ACTR3C: variants seen among roughly 807,000 people sequenced by gnomAD.
ACTR3C encodes the protein actin-related protein 3C.
Under a neutral mutation model 26.3 loss-of-function variants are expected in ACTR3C, and 18 were observed. The observed-to-expected ratio is 0.68, with a 90% CI of 0.47 to 1.01. The LOEUF is 1.01. Ranked by LOEUF, ACTR3C falls within the 50% of genes least tolerant of loss-of-function variation. The pLI, the probability that ACTR3C is intolerant of heterozygous loss-of-function variation, is 0.00. For synonymous variants in ACTR3C, 55 were observed against 94.5 expected, an observed-to-expected ratio of 0.58 and a Z score of 2.42; for missense variants, 184 against 250.7, an observed-to-expected ratio of 0.73 and a Z score of 1.80.
At chr7:150,019,200 A>C in the ACTR3C span, among the ~76,000 whole-genome samples, 1 of 150,454 alleles carries the variant, frequency 6.6e-6, no homozygotes, top group African/African-American at 2.5e-5. Context: ...AGTTGAGATC[A>C]TGAAGGAAGG....
chr7:149,956,774 T>C, the ACTR3C span, among the ~76,000 whole-genome samples: 1 of 151,910 alleles, frequency 6.6e-6, no homozygotes, highest in African/African-American at 2.4e-5. Context: ...GAAAGAGCGA[T>C]GTAGGGGCTG....
chr7:150,227,595 T>A, the ACTR3C span, among the ~76,000 whole-genome samples: 1 of 151,780 alleles, frequency 6.6e-6, no homozygotes, highest in Non-Finnish European at 1.5e-5. Context: ...CTCTTATGTT[T>A]ACTTCTAGAA....
chr7:150,259,277 GAAAGAAAGAAAGAA>G (rs879432232), intron 6 of ACTR3C, among the ~76,000 whole-genome samples: 130 of 137,372 alleles, frequency 9.5e-4, no homozygotes, highest in Non-Finnish European at 1.7e-3. Flanking sequence ...GAAAGAAAAA[GAAAGAAAGAAAGAA>G]AAAGAAAGAA....
At position 150,280,798 on chromosome 7, in the gene ACTR3C, A is replaced by ATGTGTGTGTGTGTG. The variant is rs200924995; in HGVS notation, c.564+3941_564+3954dup. Among the ~76,000 whole-genome samples, 149 of 147,562 alleles carry ATGTGTGTGTGTGTG rather than the reference A, an allele frequency of 1.0e-3. No individual in the cohort carries two copies. In the East Asian group the frequency reaches 0.012, roughly 12 times the overall value. The stretch of plus-strand genomic sequence containing the variant: ...AATATGCACAATTTTCCTGCTCTTG[A>ATGTGTGTGTGTGTG]TGTGTGTGTGTGTGTGTGTGTATAT... On this transcript the variant is annotated intron_variant, in intron 6 of 7. Transcript: ENST00000683684.
the ACTR3C span, among the ~76,000 whole-genome samples, chr7:149,957,618 T>C: frequency 6.6e-6 from 1 of 152,228 alleles, no homozygotes; most frequent in African/African-American, 2.4e-5. Flanking sequence ...GACTGAAAGT[T>C]ACACCTTCAG....
intron 7 of ACTR3C, 165 bp downstream of exon 7, chr7:150,248,783 A>G (rs554311219): frequency 2.4e-6 from 1 of 411,954 alleles, no homozygotes; most frequent in South Asian, 7.8e-5. Flanking sequence ...TGAGACTCCA[A>G]CATAAAGATG....
At chr7:149,992,618 TG>T in the ACTR3C span, among the ~76,000 whole-genome samples, 3 of 152,160 alleles carry the variant, frequency 2.0e-5, no homozygotes, top group Non-Finnish European at 4.4e-5. Flanking sequence ...TGGAGGAGAC[TG>T]CGATTCCAGA....
intron 6 of ACTR3C, among the ~76,000 whole-genome samples, chr7:150,267,368 T>C (rs10275514): frequency 0.12 from 18,988 of 152,108 alleles, 2,025 homozygotes; most frequent in African/African-American, 0.27. Flanking sequence ...TTCTGAGAAG[T>C]ATGATGAAAT....
the ACTR3C span, among the ~76,000 whole-genome samples, chr7:150,029,413 AAAAACAAAC>A: frequency 7.7e-4 from 72 of 93,150 alleles, 6 homozygotes; most frequent in African/African-American, 4.7e-3. Flanking sequence ...CAAAAAAAAA[AAAAACAAAC>A]AAAAAAAAAC....
chr7:150,036,894 C>T, the ACTR3C span, among the ~76,000 whole-genome samples: 462 of 108,068 alleles, frequency 4.3e-3, 16 homozygotes, highest in African/African-American at 0.014. Flanking sequence ...TCTCAGTCCC[C>T]GCCTCGCGGG....
At chr7:150,026,393 A>G in the ACTR3C span, among the ~76,000 whole-genome samples, 7 of 152,282 alleles carry the variant, frequency 4.6e-5, no homozygotes, top group East Asian at 1.3e-3. Context: ...CCTGCTCAAT[A>G]GCACTGATGT....
chr7:150,210,077 C>A, the ACTR3C span, among the ~76,000 whole-genome samples: 2 of 151,694 alleles, frequency 1.3e-5, no homozygotes, highest in Non-Finnish European at 2.9e-5. Context: ...TTTCAGAAAC[C>A]CTTTAGCCAA....
intron 1 of ACTR3C, among the ~76,000 whole-genome samples, chr7:150,318,652 C>T (rs1797183846): frequency 6.6e-6 from 1 of 152,160 alleles, no homozygotes; most frequent in Admixed American, 6.5e-5. Flanking sequence ...GTTCCAGTTA[C>T]TCGGGAGGCT....
chr7:150,155,118 A>G, the ACTR3C span, among the ~76,000 whole-genome samples: 1 of 152,202 alleles, frequency 6.6e-6, no homozygotes, highest in Non-Finnish European at 1.5e-5. Flanking sequence ...TTTTATGAGC[A>G]CTTTTCTGAG....
Position 150,284,772 on chromosome 7 carries a change from A to C in ACTR3C, c.545T>G (p.Val182Gly). The C allele has an allele frequency of 6.2e-7, 1 of 1,613,102 alleles. No homozygotes were observed. The highest frequency in any genetic ancestry group is 8.5e-7 in the Non-Finnish European group (1 of 1,179,594). Residue 182 changes from valine (V) to glycine (G), a missense_variant, in exon 6 of 8, where the codon GTG becomes GGG. By Grantham distance (109) the Val-to-Gly change is moderately radical. Coordinates refer to ENST00000683684, the MANE Select transcript of ACTR3C (RefSeq NM_001164458.2). ...DEVIQNCPID[V>G]RRPLYKMEQI... ...TCATACCTTATACAGCGGACGCCGCACATCGATGGGGCAGTTCTGTATTAC... is the reference window on the plus strand; with the variant it reads ...TCATACCTTATACAGCGGACGCCGCCCATCGATGGGGCAGTTCTGTATTAC...
the ACTR3C span, among the ~76,000 whole-genome samples, chr7:150,014,964 T>G: frequency 6.6e-6 from 1 of 152,218 alleles, no homozygotes; most frequent in Admixed American, 6.5e-5. Context: ...TTCCCTGGAT[T>G]TTGTTTTCTC....
At chr7:150,193,264 G>T in the ACTR3C span, among the ~76,000 whole-genome samples, 1 of 151,742 alleles carries the variant, frequency 6.6e-6, no homozygotes, top group East Asian at 1.9e-4. Context: ...GCATAGAATT[G>T]TTCATTTAAT....
At chr7:150,042,337 C>T in the ACTR3C span, among the ~76,000 whole-genome samples, 22 of 112,828 alleles carry the variant, frequency 1.9e-4, no homozygotes, top group Admixed American at 1.3e-3. Flanking sequence ...GTCCCTGCCT[C>T]GCGGGGGGTG....
At chr7:149,964,114 A>C in the ACTR3C span, among the ~76,000 whole-genome samples, 1 of 152,158 alleles carries the variant, frequency 6.6e-6, no homozygotes, top group African/African-American at 2.4e-5. Context: ...TATTGACCAA[A>C]GGGCAGAGAC....
Sources: allele counts gnomAD v4.1 joint callset (sites outside exome capture counted in the v4.1 genomes callset), GRCh38; gene constraint gnomAD v4.1.1; transcripts MANE v1.5; gene names NCBI Gene and HGNC (gene_info 2026-07-23, HGNC 2026-07-21).